The following CYP3A5 variants were observed in gnomAD, a reference collection of about 807,000 sequenced individuals.
CYP3A5 encodes the protein cytochrome P450 family 3 subfamily A member 5.
A neutral mutation model predicts 55.9 loss-of-function variants in CYP3A5; 51 were observed. The ratio of observed to expected loss-of-function variants is 0.91; its 90% confidence interval spans 0.73 to 1.15. CYP3A5 has a LOEUF of 1.15. Among genes scored for constraint, CYP3A5 ranks in the 50% most tolerant of loss-of-function variants. CYP3A5 has a pLI of 0.00. For synonymous variants in CYP3A5, 196 were observed against 213.9 expected (o/e 0.92, Z 0.73); for missense variants, 533 against 596.6 (o/e 0.89, Z 1.11).
intron 8 of CYP3A5, chr7:99,663,634 G>C (rs980387689): frequency 3.0e-6 from 3 of 1,009,060 alleles, no homozygotes; most frequent in Admixed American, 5.8e-5. Flanking sequence ...TATGAGGAAA[G>C]CACAATACCA....
At chr7:99,648,423 T>A (rs1479115509) in intron 12 of CYP3A5, 23 bp from the exon 13 acceptor site, 1 of 1,561,866 alleles carries the variant, frequency 6.4e-7, no homozygotes, top group East Asian at 2.3e-5. Flanking sequence ...AACAAGCATA[T>A]GGAGAATTAA....
At chr7:99,673,964 C>G (rs751176434) in intron 3 of CYP3A5, among the ~76,000 whole-genome samples, 2 of 152,090 alleles carry the variant, frequency 1.3e-5, no homozygotes, top group Non-Finnish European at 1.5e-5. Flanking sequence ...GGACAAGCCT[C>G]GAAAAGTTTT....
chr7:99,652,505 T>C, intron 11 of CYP3A5, 48 bp downstream of exon 11: 1 of 1,363,568 alleles, frequency 7.3e-7, no homozygotes, highest in Non-Finnish European at 1.0e-6. Context: ...AGAATATGCT[T>C]GAACCAGCCT....
At position 99,674,562 on chromosome 7, in the gene CYP3A5, C is replaced by T; in HGVS notation, c.189G>A (p.Glu63=). The change falls in exon 3 of 13, where the codon GAG becomes GAA. Residue 63 remains glutamate (E), a synonymous_variant. Coordinates refer to ENST00000222982, the MANE Select transcript of CYP3A5 (RefSeq NM_000777.5). ...YRQGLWKFDT[E]CYKKYGKMWG... ...ACATTTTTCCATACTTTTTATAGCA[C>T]TCTGTGTCAAATTTCCAGAGACCCT... 3.1e-6 allele frequency: 5 copies of T among 1,613,810 alleles called. No homozygotes were observed. Among genetic ancestry groups the T allele is most frequent in the African/African-American group, 1.3e-5 (1 of 75,014 alleles).
chr7:99,664,277 A>G (rs1425457154), intron 7 of CYP3A5, among the ~76,000 whole-genome samples, 182 bp from the exon 8 acceptor site: 1 of 152,228 alleles, frequency 6.6e-6, no homozygotes, highest in East Asian at 1.9e-4. Context: ...AGGTCTATAC[A>G]TAGGAAACAC....
At chr7:99,670,255 GT>G (rs1373068340) in intron 4 of CYP3A5, among the ~76,000 whole-genome samples, 7 of 152,154 alleles carry the variant, frequency 4.6e-5, no homozygotes, top group Admixed American at 1.3e-4. Context: ...TTTTTAGTGG[GT>G]TTGACGGCCC....
Position 99,667,049 on chromosome 7 carries a change from C to A in CYP3A5, c.335G>T (p.Gly112Val), listed in dbSNP as rs748003177. The A allele has an allele frequency of 1.6e-5, 26 of 1,613,900 alleles. No homozygotes were observed. In the Admixed American group the frequency reaches 3.5e-4, roughly 22 times the overall value. Residue 112 changes from glycine to valine, a missense_variant, in exon 5 of 13, where the codon GGA becomes GTA. Gly to Val is a moderately radical substitution (Grantham distance 109, BLOSUM62 -3). Transcript: ENST00000222982. ...FTNRRSLGPV[G>V]FMKSAISLAE... ...TAAAGAGATGGCACTTTTCATAAAT[C>A]CCACTGGGCCTAAAGACTAGAGTTC...
chr7:99,657,621 C>T (rs916987967), intron 10 of CYP3A5, among the ~76,000 whole-genome samples: 1 of 152,320 alleles, frequency 6.6e-6, no homozygotes, highest in Admixed American at 6.5e-5. Flanking sequence ...GAGCTGAGTT[C>T]AATTCCTGGA....
chr7:99,677,166 T>A, intron 1 of CYP3A5: 3 of 985,428 alleles, frequency 3.0e-6, no homozygotes, highest in Non-Finnish European at 3.6e-6. Flanking sequence ...ATGAGTCATG[T>A]GCAAACTCCT....
At chr7:99,661,518 A>G (rs1186801143) in intron 9 of CYP3A5, among the ~76,000 whole-genome samples, 2 of 152,202 alleles carry the variant, frequency 1.3e-5, no homozygotes, top group African/African-American at 4.8e-5. Context: ...TTATGATTAC[A>G]GGTTGGCCTC....
chr7:99,679,764 A>G, intron 1 of CYP3A5, 62 bp downstream of exon 1: 6 of 1,486,754 alleles, frequency 4.0e-6, no homozygotes, highest in Non-Finnish European at 4.7e-6. Context: ...ATAAGGGAAA[A>G]GGGGCCCGAT....
At chr7:99,672,730 C>G (rs1471607092) in intron 3 of CYP3A5, 51 bp from the exon 4 acceptor site, 7 of 1,610,896 alleles carry the variant, frequency 4.3e-6, no homozygotes, top group East Asian at 4.5e-5. Context: ...GATTCTGCAG[C>G]TGGAGCCACA....
In CYP3A5 at chr7:99,664,032, G is replaced by T; in HGVS notation, c.734C>A (p.Thr245Asn). The change falls in exon 8 of 13, where the codon ACC becomes AAC. Residue 245 changes from threonine (T) to asparagine (N), a missense_variant. Physicochemically the swap from Thr to Asn is moderately conservative, Grantham distance 65 (BLOSUM62 0). Coordinates refer to ENST00000222982, the MANE Select transcript of CYP3A5 (RefSeq NM_000777.5). ...ALNVSLFPKDTINFLSKSVNR... is the reference protein window; with the variant it reads ...ALNVSLFPKDNINFLSKSVNR... ...TACAGATTTACTTAAAAAATTTATG[G>T]TATCTTTTGGAAACAGAGAGACATT... The T allele has an allele frequency of 6.2e-7, 1 of 1,600,024 alleles. No individual in the cohort carries two copies. Among genetic ancestry groups the T allele is most frequent in the Non-Finnish European group, 8.5e-7 (1 of 1,176,736 alleles).
chr7:99,679,064 G>A (rs900944096), intron 1 of CYP3A5, among the ~76,000 whole-genome samples: 2 of 152,176 alleles, frequency 1.3e-5, no homozygotes, highest in African/African-American at 4.8e-5. Context: ...GAGAAACAAA[G>A]CTCTATATTA....
At chr7:99,661,627 T>A (rs1470449684) in intron 9 of CYP3A5, among the ~76,000 whole-genome samples, 1 of 152,198 alleles carries the variant, frequency 6.6e-6, no homozygotes, top group Non-Finnish European at 1.5e-5. Flanking sequence ...AGCACAGAAA[T>A]AAATATGGTG....
intron 1 of CYP3A5, 142 bp from the exon 2 acceptor site, chr7:99,676,350 A>C (rs2151459707): frequency 6.5e-7 from 1 of 1,543,236 alleles, no homozygotes; most frequent in Non-Finnish European, 8.8e-7. Context: ...CAACATCAGT[A>C]ATTGCATTCA....
chr7:99,676,645 C>G, intron 1 of CYP3A5: 1 of 924,592 alleles, frequency 1.1e-6, no homozygotes, highest in Non-Finnish European at 1.6e-6. Context: ...ACTGTATGCA[C>G]TCAATCACAG....
chr7:99,656,182 T>C (rs1044620919), intron 10 of CYP3A5, among the ~76,000 whole-genome samples: 16 of 152,310 alleles, frequency 1.1e-4, no homozygotes, highest in African/African-American at 3.6e-4. Context: ...ATGATTCCAG[T>C]TTTTGTCCAT....
chr7:99,676,152 G>A lies in CYP3A5; in HGVS notation c.128C>T (p.Pro43Leu), dbSNP rs1460641728. The change falls in exon 2 of 13, where the codon CCT becomes CTT. Residue 43 changes from proline to leucine, a missense_variant. Transcript: ENST00000222982. ...CAAAACATTTCCCAACAAAGGCAGA[G>A]GTGTGGGCCCTGGAATTCCCAGTCT... ...FKRLGIPGPT[P>L]LPLLGNVLSY... 1.2e-6 allele frequency: 2 copies of A among 1,613,768 alleles called. No homozygotes were observed. Among genetic ancestry groups the A allele is most frequent in the South Asian group, 1.1e-5 (1 of 91,088 alleles).
Sources: allele counts gnomAD v4.1 joint callset (sites outside exome capture counted in the v4.1 genomes callset), GRCh38; gene constraint gnomAD v4.1.1; transcripts MANE v1.5; gene names NCBI Gene and HGNC (gene_info 2026-07-23, HGNC 2026-07-21).